Variants in KCNT2 observed in about 807,000 individuals in gnomAD.
KCNT2 encodes the protein potassium sodium-activated channel subfamily T member 2.
Under a neutral mutation model 153.8 loss-of-function variants are expected in KCNT2, and 67 were observed. The ratio of observed to expected loss-of-function variants is 0.44; its 90% CI spans 0.36 to 0.53. The LOEUF is 0.53. Among genes scored for constraint, KCNT2 ranks in the 20% least tolerant of loss-of-function variants. The probability of loss-of-function intolerance (pLI) is 0.00; values close to 1 mark genes in which losing one functional copy is unlikely to be tolerated. For synonymous variants in KCNT2, 500 were observed against 458.8 expected, an observed-to-expected ratio of 1.09 and a Z score of -1.15; for missense variants, 975 against 1,354.8, an observed-to-expected ratio of 0.72 and a Z score of 4.40.
At chr1:196,371,283 C>T (rs1668511921) in intron 14 of KCNT2, among the ~76,000 whole-genome samples, 2 of 143,918 alleles carry the variant, frequency 1.4e-5, no homozygotes, top group South Asian at 4.4e-4. Context: ...ATAGTCCCAG[C>T]TACTGTGGAG....
At chr1:196,502,134 AAGAT>A (rs2148767744) in intron 1 of KCNT2, among the ~76,000 whole-genome samples, 1 of 152,320 alleles carries the variant, frequency 6.6e-6, no homozygotes, top group African/African-American at 2.4e-5. Context: ...AATTAAAAAA[AAGAT>A]AGTTCAGGCT....
chr1:196,599,407 G>C (rs1419869099), intron 1 of KCNT2, among the ~76,000 whole-genome samples: 1 of 152,126 alleles, frequency 6.6e-6, no homozygotes, highest in Non-Finnish European at 1.5e-5. Flanking sequence ...AGAAAGCCAG[G>C]AACAACCAGT....
At chr1:196,403,362 T>C (rs1671574043) in intron 12 of KCNT2, among the ~76,000 whole-genome samples, 1 of 151,650 alleles carries the variant, frequency 6.6e-6, no homozygotes, top group Admixed American at 6.6e-5. Flanking sequence ...ATTATGGAGA[T>C]AGTACAGAGG....
chr1:196,285,733 A>C lies in KCNT2; in HGVS notation c.2621T>G (p.Leu874Trp). ...AAAAGGCAGTCGAAACATAAAGGCC[A>C]AGTTAGAGCCTCTCTCCCGTTCTTT... ...EKKERERGSNLAFMFRLPFAA... is the reference protein window; with the variant it reads ...EKKERERGSNWAFMFRLPFAA... The change falls in exon 23 of 28, where the codon TTG (leucine) becomes TGG (tryptophan). Residue 874 changes from leucine to tryptophan, a missense_variant. By Grantham distance (61) the Leu-to-Trp change is moderately conservative. This residue lies in a region of KCNT2 where 66 missense variants were observed against 147.9 expected (regional missense o/e 0.45). Transcript: ENST00000294725. 6.2e-7 allele frequency: 1 copy of C among 1,612,796 alleles called. No individual in the cohort carries two copies. The highest frequency in any genetic ancestry group is 8.5e-7 in the Non-Finnish European group (1 of 1,178,856).
At position 196,606,980 on chromosome 1, in the gene KCNT2, T is replaced by A. The variant is rs532296163; in HGVS notation, c.95+1235A>T. On this transcript the variant is annotated intron_variant, in intron 1 of 27. Transcript: ENST00000294725. ...TTAAATTTTTAGCCAATATGTGTGG[T>A]TTTGCCTAAAAAAGAGATTGAACCA... is the stretch of plus-strand genomic sequence containing the variant. 1.5e-3 allele frequency among the ~76,000 whole-genome samples: 229 copies of A among 152,238 alleles called. 1 individual carries two copies. Among genetic ancestry groups the A allele is most frequent in the African/African-American group, 5.2e-3 (217 of 41,522 alleles).
chr1:196,272,188 C>G (rs1347001586), intron 25 of KCNT2, among the ~76,000 whole-genome samples: 2 of 151,862 alleles, frequency 1.3e-5, no homozygotes, highest in Non-Finnish European at 2.9e-5. Context: ...GGATAAGTGA[C>G]TTGTCCAGGA....
chr1:196,419,705 C>A (rs1291742542), intron 12 of KCNT2, among the ~76,000 whole-genome samples: 2 of 151,996 alleles, frequency 1.3e-5, no homozygotes, highest in Non-Finnish European at 2.9e-5. Context: ...ATTTTGAAAG[C>A]ATTGTCCCAC....
intron 13 of KCNT2, among the ~76,000 whole-genome samples, chr1:196,394,165 G>A (rs373079547): frequency 1.3e-5 from 2 of 151,538 alleles, no homozygotes. Flanking sequence ...AAAAGAAAAC[G>A]AGTTTAGGCT....
At chr1:196,374,306 G>A (rs1034114278) in intron 13 of KCNT2, among the ~76,000 whole-genome samples, 3 of 151,636 alleles carry the variant, frequency 2.0e-5, no homozygotes, top group Non-Finnish European at 3.0e-5. Context: ...AAGAAGAAAA[G>A]GTTACATGGG....
intron 1 of KCNT2, among the ~76,000 whole-genome samples, chr1:196,577,729 TAA>T (rs1339091859): frequency 6.6e-6 from 1 of 152,110 alleles, no homozygotes; most frequent in Non-Finnish European, 1.5e-5. Flanking sequence ...TGATGGGGAA[TAA>T]GTCCTAGACT....
intron 1 of KCNT2, among the ~76,000 whole-genome samples, chr1:196,548,600 T>C (rs547289701): frequency 6.6e-6 from 1 of 152,166 alleles, no homozygotes; most frequent in Non-Finnish European, 1.5e-5. Flanking sequence ...AGTGTGGCGA[T>C]TCCTCAGGGA....
intron 16 of KCNT2, among the ~76,000 whole-genome samples, chr1:196,337,306 C>T (rs929029014): frequency 3.9e-5 from 6 of 151,920 alleles, no homozygotes; most frequent in African/African-American, 2.4e-5. Flanking sequence ...CCTGATTATC[C>T]TCAAAGTACA....
At chr1:196,496,570 A>C (rs1483996494) in intron 1 of KCNT2, among the ~76,000 whole-genome samples, 1 of 152,202 alleles carries the variant, frequency 6.6e-6, no homozygotes, top group African/African-American at 2.4e-5. Context: ...AAATGTCACC[A>C]AACTTCTAAA....
At chr1:196,402,594 T>C (rs1340105317) in intron 12 of KCNT2, among the ~76,000 whole-genome samples, 2 of 151,280 alleles carry the variant, frequency 1.3e-5, no homozygotes, top group African/African-American at 4.8e-5. Flanking sequence ...ATAAAAAATG[T>C]GGGAAAGGAA....
At chr1:196,580,704 G>A (rs1233617754) in intron 1 of KCNT2, among the ~76,000 whole-genome samples, 2 of 152,180 alleles carry the variant, frequency 1.3e-5, no homozygotes, top group African/African-American at 4.8e-5. Flanking sequence ...GGAGTGAGAT[G>A]TGTGTTGTGA....
At chr1:196,569,013 C>T (rs1325409766) in intron 1 of KCNT2, among the ~76,000 whole-genome samples, 1 of 152,116 alleles carries the variant, frequency 6.6e-6, no homozygotes, top group Non-Finnish European at 1.5e-5. Flanking sequence ...CTCATCATTG[C>T]TGTGAGTGTG....
At position 196,575,976 on chromosome 1, in the gene KCNT2, T is replaced by TAAAA. The variant is rs67161739; in HGVS notation, c.95+32235_95+32238dup. 4.5e-4 allele frequency among the ~76,000 whole-genome samples: 58 copies of TAAAA among 130,282 alleles called. 1 individual carries two copies. The East Asian group carries it at 0.011, about 26-fold the overall frequency. The allele number at this position is 130,282 out of a possible 152,430, so 85.5% of individuals were successfully genotyped here. On this transcript the variant is annotated intron_variant, in intron 1 of 27. Coordinates refer to ENST00000294725, the MANE Select transcript of KCNT2 (RefSeq NM_198503.5). ...CCAGGCAACAGAGTGAGACCCTGTC[T>TAAAA]AAAAAAAAAAAAAAAAAATTGAAGA...
intron 22 of KCNT2, among the ~76,000 whole-genome samples, chr1:196,291,691 G>C (rs189858388): frequency 5.9e-5 from 9 of 152,078 alleles, no homozygotes; most frequent in Non-Finnish European, 1.2e-4. Flanking sequence ...AACTACAGAG[G>C]AGTTTCATTT....
chr1:196,308,832 T>G (rs1661882684), intron 21 of KCNT2, among the ~76,000 whole-genome samples: 1 of 152,004 alleles, frequency 6.6e-6, no homozygotes, highest in African/African-American at 2.4e-5. Context: ...ATTAACAATA[T>G]CTAGCAATGG....
Sources: allele counts gnomAD v4.1 joint callset (sites outside exome capture counted in the v4.1 genomes callset), GRCh38; gene constraint gnomAD v4.1.1; regional missense constraint gnomAD v4.1.1; transcripts MANE v1.5; gene names NCBI Gene and HGNC (gene_info 2026-07-23, HGNC 2026-07-21).